Variants in RFX2 observed in about 807,000 individuals in gnomAD.
RFX2 encodes the protein DNA-binding protein RFX2.
A neutral mutation model predicts 87.8 loss-of-function variants in RFX2; 20 were observed. That is an observed-to-expected ratio of 0.23 (90% confidence interval 0.16 to 0.33). The LOEUF is 0.33. RFX2 is among the 10% of genes least tolerant of loss of function. RFX2 has a pLI of 1.00. For missense variants in RFX2, 767 were observed against 1,012.3 expected (o/e 0.76, Z 3.29); for synonymous variants, 397 against 431.3 (o/e 0.92, Z 0.98).
intron 1 of RFX2, among the ~76,000 whole-genome samples, chr19:6,055,376 C>A (rs1346796315): frequency 6.6e-6 from 1 of 152,092 alleles, no homozygotes; most frequent in African/African-American, 2.4e-5. Flanking sequence ...CATATCTCTT[C>A]AAAAAAATAA....
Position 6,002,542 on chromosome 19 carries a change from G to A in RFX2, c.1650+179C>T. 6.6e-6 allele frequency among the ~76,000 whole-genome samples: 1 copy of A among 152,218 alleles called. No homozygotes were observed. The highest frequency in any genetic ancestry group is 1.9e-4 in the East Asian group (1 of 5,186). On this transcript the variant is annotated intron_variant, in intron 14 of 17. Transcript: ENST00000303657. This position sits in a 1 kb window ranked among gnomAD's most constrained non-coding sequence, Gnocchi z 6.7. ...ACGCCAGAGGGCCCTGAGAGATGATGGAGTGGAGAGAGCTGGGGGCTGTGG... is the reference window on the plus strand; with the variant it reads ...ACGCCAGAGGGCCCTGAGAGATGATAGAGTGGAGAGAGCTGGGGGCTGTGG...
At chr19:6,092,523 C>A (rs1010430655) in intron 1 of RFX2, among the ~76,000 whole-genome samples, 3 of 152,192 alleles carry the variant, frequency 2.0e-5, no homozygotes, top group Non-Finnish European at 4.4e-5. Context: ...CAGGCCGTTG[C>A]TAGGCTCGAG....
chr19:6,047,282 T>C lies in RFX2; in HGVS notation c.90+125A>G, dbSNP rs2087204156. 1 of 721,876 alleles carries C rather than the reference T, an allele frequency of 1.4e-6. No homozygotes were observed. The highest frequency in any genetic ancestry group is 2.2e-6 in the Non-Finnish European group (1 of 449,962). The allele number at this position is 721,876 out of a possible 1,614,324, so 44.7% of individuals were successfully genotyped here. ...GTGCCTATTTCAACAGCAGCAGCAC[T>C]GGGACTGAGAAGTCCATTCAGAAAA... is the stretch of plus-strand genomic sequence containing the variant. On this transcript the variant is annotated intron_variant, in intron 2 of 17. Coordinates refer to ENST00000303657, the MANE Select transcript of RFX2 (RefSeq NM_000635.4). This position sits in a 1 kb window ranked among gnomAD's most constrained non-coding sequence, Gnocchi z 4.2.
rs1180821412 is a variant in RFX2 at position 5,999,634 on chromosome 19, A to G, written c.1859+2181T>C. On this transcript the variant is annotated intron_variant, in intron 15 of 17. Coordinates refer to ENST00000303657, the MANE Select transcript of RFX2 (RefSeq NM_000635.4). This position sits in a 1 kb window ranked among gnomAD's most constrained non-coding sequence, Gnocchi z 4.1. ...GTTCCTCTCATTCATTCACTGAGCC[A>G]GCATTTAAACAGAAGTGAGGTCCCG... Among the ~76,000 whole-genome samples the G allele has an allele frequency of 6.6e-6, 1 of 152,210 alleles. No individual in the cohort carries two copies. The highest frequency in any genetic ancestry group is 1.5e-5 in the Non-Finnish European group (1 of 68,040).
intron 1 of RFX2, among the ~76,000 whole-genome samples, chr19:6,095,539 G>C (rs2088008803): frequency 6.6e-6 from 1 of 152,122 alleles, no homozygotes. Flanking sequence ...TGGGGCAGGG[G>C]AGTCTGGGCA....
At position 6,026,632 on chromosome 19, in the gene RFX2, T is replaced by C; in HGVS notation, c.523-395A>G. Reference sequence around the variant, plus strand: ...TGCTCCTTTCCCCACGCCACATCGATGGGGAACCAGAATGAAAGCAAGGAG... The same window carrying C: ...TGCTCCTTTCCCCACGCCACATCGACGGGGAACCAGAATGAAAGCAAGGAG... On this transcript the variant is annotated intron_variant, in intron 5 of 17. Transcript: ENST00000303657. This position sits in a 1 kb window ranked among gnomAD's most constrained non-coding sequence, Gnocchi z 4.5. 4.8e-6 allele frequency: 1 copy of C among 206,324 alleles called. No individual in the cohort carries two copies. The allele number at this position is 206,324 out of a possible 1,614,324, so 12.8% of individuals were successfully genotyped here.
chr19:6,019,045 G>A (rs2086769890), intron 6 of RFX2, among the ~76,000 whole-genome samples: 1 of 152,090 alleles, frequency 6.6e-6, no homozygotes, highest in Non-Finnish European at 1.5e-5. Context: ...TGTGTGAAGT[G>A]CAGTGTCCCC....
At chr19:6,069,992 G>T in intron 1 of RFX2, among the ~76,000 whole-genome samples, 1 of 151,972 alleles carries the variant, frequency 6.6e-6, no homozygotes, top group Non-Finnish European at 1.5e-5. Context: ...TTCATGGATG[G>T]GATGGGATGG....
intron 12 of RFX2, among the ~76,000 whole-genome samples, chr19:6,005,521 G>A (rs1160025782): frequency 2.0e-5 from 3 of 152,232 alleles, no homozygotes; most frequent in African/African-American, 7.2e-5. Context: ...CTCGTGGTGG[G>A]TGCTGTCATT....
intron 5 of RFX2, among the ~76,000 whole-genome samples, chr19:6,038,328 GA>G (rs55857624): frequency 0.056 from 3,410 of 60,944 alleles, 66 homozygotes; most frequent in African/African-American, 0.22. Context: ...CTCCGTCTCA[GA>G]AAAAAAAAAA....
intron 1 of RFX2, among the ~76,000 whole-genome samples, chr19:6,062,819 C>T (rs1183308160): frequency 1.3e-5 from 2 of 152,258 alleles, no homozygotes; most frequent in South Asian, 2.1e-4. Context: ...GGTAAATCAG[C>T]GTGACTTAGA....
In RFX2 at chr19:6,026,421, T is replaced by C. The variant is rs1345188360; in HGVS notation, c.523-184A>G. The C allele has an allele frequency of 8.2e-6, 5 of 610,232 alleles. No individual in the cohort carries two copies. Among genetic ancestry groups the C allele is most frequent in the Non-Finnish European group, 1.4e-5 (5 of 346,330 alleles). 37.8% of individuals were successfully genotyped at this position (610,232 alleles called of 1,614,324 possible). On this transcript the variant is annotated intron_variant, in intron 5 of 17. Transcript: ENST00000303657. This position sits in a 1 kb window ranked among gnomAD's most constrained non-coding sequence, Gnocchi z 4.5. ...GGTGAGTTAAATTGTGCATGAAAGC[T>C]GCGGTAGGGAGTGTTGCTTCGCACA... is the stretch of plus-strand genomic sequence containing the variant.
Position 5,997,037 on chromosome 19 carries a change from G to T in RFX2, c.2013+23C>A. On this transcript the variant is annotated intron_variant, in intron 16 of 17. Coordinates refer to ENST00000303657, the MANE Select transcript of RFX2 (RefSeq NM_000635.4). The surrounding 1 kb of genome is among the most constrained non-coding windows in gnomAD (Gnocchi z 4.2). ...CCACAGGCCCGGCCAAGCCCCGGCC[G>T]TCCCACCCAGGAGGGTCCTCACCTC... 6.3e-7 allele frequency: 1 copy of T among 1,596,514 alleles called. No individual in the cohort carries two copies. The highest frequency in any genetic ancestry group is 2.2e-5 in the East Asian group (1 of 44,638).
rs2086682792 is a variant in RFX2, at chr19:6,013,216, C to G, written c.780-111G>C. On this transcript the variant is annotated intron_variant, in intron 7 of 17. Transcript: ENST00000303657. The surrounding 1 kb of genome is among the most constrained non-coding windows in gnomAD (Gnocchi z 4.1). ...CTTTTTTTTTTTTGAGACAGAATCTCATTCTGTCGCCCAGGCTGGAGTACA... is the reference window on the plus strand; with the variant it reads ...CTTTTTTTTTTTTGAGACAGAATCTGATTCTGTCGCCCAGGCTGGAGTACA... 6 of 1,133,090 alleles carry G rather than the reference C, an allele frequency of 5.3e-6. No individual in the cohort carries two copies. The Admixed American group carries it at 8.3e-5, about 16-fold the overall frequency. The allele number at this position is 1,133,090 out of a possible 1,614,324, so 70.2% of individuals were successfully genotyped here.
At chr19:6,107,141 G>A (rs1431768707) in intron 1 of RFX2, among the ~76,000 whole-genome samples, 2 of 151,540 alleles carry the variant, frequency 1.3e-5, no homozygotes, top group Non-Finnish European at 2.9e-5. Context: ...TAAAAAATAC[G>A]AAAAATTAGC....
intron 1 of RFX2, among the ~76,000 whole-genome samples, chr19:6,062,172 C>T (rs959943109): frequency 1.3e-5 from 2 of 152,056 alleles, no homozygotes; most frequent in Non-Finnish European, 2.9e-5. Flanking sequence ...AAAGAATAAA[C>T]AAGTAACAAA....
chr19:6,087,328 G>A (rs2087868414), intron 1 of RFX2, among the ~76,000 whole-genome samples: 1 of 152,190 alleles, frequency 6.6e-6, no homozygotes, highest in Non-Finnish European at 1.5e-5. Context: ...AGCCTGGGAA[G>A]GGACTGTGCT....
chr19:6,106,579 C>T (rs561519949), intron 1 of RFX2, among the ~76,000 whole-genome samples: 5 of 152,118 alleles, frequency 3.3e-5, no homozygotes, highest in East Asian at 1.9e-4. Context: ...TTCAGAAATA[C>T]GGCTGTGTTT....
intron 1 of RFX2, among the ~76,000 whole-genome samples, chr19:6,070,139 A>G (rs796314849): frequency 9.0e-3 from 9 of 1,004 alleles, no homozygotes; most frequent in Non-Finnish European, 0.012. Context: ...TGTGGATGGG[A>G]TGGGATGGGA....
Sources: gnomAD v4.1 joint callset for allele counts (sites outside exome capture counted in the v4.1 genomes callset) on GRCh38, gnomAD v4.1.1 for gene constraint, Gnocchi (gnomAD v3.1) non-coding constraint, MANE v1.5 for transcripts, NCBI Gene and HGNC (gene_info 2026-07-23, HGNC 2026-07-21) for gene names.